Variants in RAPGEF6 observed in about 807,000 individuals in gnomAD.
The protein encoded by RAPGEF6 is PDZ domain containing guanine nucleotide exchange factor (GEF) 2.
Under a neutral mutation model 171.4 loss-of-function variants are expected in RAPGEF6, and 56 were observed. The ratio of observed to expected loss-of-function variants is 0.33; its 90% confidence interval spans 0.26 to 0.41. The LOEUF is 0.41. Among genes scored for constraint, RAPGEF6 ranks in the 10% least tolerant of loss-of-function variants. RAPGEF6 has a pLI of 1.00. For synonymous variants in RAPGEF6, 692 were observed against 650.1 expected, an observed-to-expected ratio of 1.06 and a Z score of -0.98; for missense variants, 1,674 against 1,921.4, an observed-to-expected ratio of 0.87 and a Z score of 2.41.
chr5:131,464,175 A>T lies in RAPGEF6; in HGVS notation c.2346T>A (p.His782Gln). 1 of 1,614,012 alleles carries T rather than the reference A, an allele frequency of 6.2e-7. No homozygotes were observed. Among genetic ancestry groups the T allele is most frequent in the Non-Finnish European group, 8.5e-7 (1 of 1,179,908 alleles). Residue 782 changes from histidine to glutamine, a missense_variant, in exon 18 of 28, where the codon CAT becomes CAA. By Grantham distance (24) the His-to-Gln change is conservative. This residue lies in a region of RAPGEF6 where 1,116 missense variants were observed against 1,321.5 expected (regional missense o/e 0.84). Coordinates refer to ENST00000509018, the MANE Select transcript of RAPGEF6 (RefSeq NM_016340.6). The stretch of plus-strand genomic sequence containing the variant: ...CGGATGCACCGGTCAAACCAAATTC[A>T]TGAACAGCATGAAAAACTACTTCTT... ...TAKEVVFHAV[H>Q]EFGLTGASDT...
At chr5:131,543,659 C>A (rs183098315) in intron 6 of RAPGEF6, among the ~76,000 whole-genome samples, 4 of 152,078 alleles carry the variant, frequency 2.6e-5, no homozygotes, top group African/African-American at 9.7e-5. Context: ...GGTGAAGCAC[C>A]GAAGATTTAG....
At chr5:131,631,352 G>A (rs1257796990) in intron 1 of RAPGEF6, among the ~76,000 whole-genome samples, 2 of 152,140 alleles carry the variant, frequency 1.3e-5, no homozygotes, top group South Asian at 2.1e-4. Flanking sequence ...GCTGATGGCA[G>A]CTCAAACCTC....
chr5:131,503,817 A>G (rs1183669158), intron 11 of RAPGEF6, among the ~76,000 whole-genome samples: 1 of 152,210 alleles, frequency 6.6e-6, no homozygotes, highest in Non-Finnish European at 1.5e-5. Flanking sequence ...AGACTCTACA[A>G]TTGTGCTAAG....
chr5:131,436,204 G>A, intron 24 of RAPGEF6: 5 of 1,537,544 alleles, frequency 3.3e-6, no homozygotes, highest in Non-Finnish European at 4.4e-6. Context: ...TCTTTTTCTG[G>A]TTGTGTTCTC....
intron 11 of RAPGEF6, among the ~76,000 whole-genome samples, chr5:131,499,319 G>A (rs530087605): frequency 6.8e-4 from 103 of 152,106 alleles, no homozygotes; most frequent in Non-Finnish European, 1.2e-3. Flanking sequence ...TGTGGCTCAT[G>A]CCTGTAATCC....
In RAPGEF6 at chr5:131,521,524, G is replaced by GA. The variant is rs750658751; in HGVS notation, c.496-4dup. 3.1e-3 allele frequency: 4,454 copies of GA among 1,459,544 alleles called. 3 individuals carry two copies. The highest frequency in any genetic ancestry group is 7.2e-3 in the Middle Eastern group (39 of 5,436). 90.4% of individuals were successfully genotyped at this position (1,459,544 alleles called of 1,614,324 possible). ...ATCTTGGTAAGATCAGCTGGAAGCT[G>GA]AAAAAAAAAATAATTTAAGTTATTC... On this transcript the variant is annotated splice_region_variant and splice_polypyrimidine_tract_variant and intron_variant, in intron 6 of 27. Transcript: ENST00000509018.
chr5:131,472,562 A>C, intron 17 of RAPGEF6, 25 bp downstream of exon 17: 1 of 1,604,338 alleles, frequency 6.2e-7, no homozygotes, highest in Non-Finnish European at 8.5e-7. Flanking sequence ...CAATACGGCA[A>C]TATAAAATCA....
In RAPGEF6 at chr5:131,430,840, C is replaced by A; in HGVS notation, c.4465+19G>T. The A allele has an allele frequency of 6.3e-7, 1 of 1,583,642 alleles. No individual in the cohort carries two copies. Among genetic ancestry groups the A allele is most frequent in the Non-Finnish European group, 8.6e-7 (1 of 1,168,188 alleles). On this transcript the variant is annotated intron_variant, in intron 26 of 27. Transcript: ENST00000509018. ...CTACTTAATCTCTAAATGCCACAGA[C>A]AACAAAAACACAACTTACCAATCAA...
intron 12 of RAPGEF6, among the ~76,000 whole-genome samples, chr5:131,498,125 G>GT (rs1233112480): frequency 6.6e-6 from 1 of 152,170 alleles, no homozygotes; most frequent in Non-Finnish European, 1.5e-5. Flanking sequence ...GTTTTAAAAT[G>GT]TTTTATTGAT....
intron 4 of RAPGEF6, among the ~76,000 whole-genome samples, chr5:131,585,027 G>A (rs1047632492): frequency 3.9e-5 from 6 of 152,056 alleles, no homozygotes; most frequent in Non-Finnish European, 4.4e-5. Flanking sequence ...GAAAGCAATG[G>A]CCAATAAGCA....
At chr5:131,476,417 T>G (rs941533970) in intron 16 of RAPGEF6, among the ~76,000 whole-genome samples, 3 of 152,162 alleles carry the variant, frequency 2.0e-5, no homozygotes, top group African/African-American at 7.2e-5. Flanking sequence ...CTGGCCAACA[T>G]GGTGAAACCC....
rs777347551 is a variant in RAPGEF6 at position 131,492,571 on chromosome 5, T to A, written c.1731+11A>T. On this transcript the variant is annotated intron_variant, in intron 14 of 27. Coordinates refer to ENST00000509018, the MANE Select transcript of RAPGEF6 (RefSeq NM_016340.6). ...GAAGGCTTGAATATAAGTGGTTGGTTATTTCCTTACCTGATCACCACGTTT... is the reference window on the plus strand; with the variant it reads ...GAAGGCTTGAATATAAGTGGTTGGTAATTTCCTTACCTGATCACCACGTTT... The A allele has an allele frequency of 6.2e-7, 1 of 1,613,564 alleles. No homozygotes were observed. The highest frequency in any genetic ancestry group is 1.7e-5 in the Admixed American group (1 of 60,016).
At chr5:131,474,804 T>C (rs897679286) in intron 16 of RAPGEF6, among the ~76,000 whole-genome samples, 5 of 152,216 alleles carry the variant, frequency 3.3e-5, no homozygotes, top group African/African-American at 1.2e-4. Flanking sequence ...AGTCTTTCTT[T>C]AATTGACTTT....
chr5:131,580,569 C>T (rs888167822), intron 4 of RAPGEF6, among the ~76,000 whole-genome samples: 4 of 152,214 alleles, frequency 2.6e-5, no homozygotes, highest in Non-Finnish European at 5.9e-5. Flanking sequence ...GCCGCCAGCA[C>T]GTTGTCACCT....
chr5:131,548,086 T>G lies in RAPGEF6; in HGVS notation c.456A>C (p.Gln152His). ...TAACCTCCACATCATCAGTAATGGT[T>G]TGGCGCTCTCCTTTATAGTTAATTT... The part of the protein sequence containing the change: ...FRKINYKGER[Q>H]TITDDVEVNS... The change falls in exon 6 of 28, where the codon CAA becomes CAC. Residue 152 changes from glutamine (Q) to histidine (H), a missense_variant. By Grantham distance (24) the Gln-to-His change is conservative. Coordinates refer to ENST00000509018, the MANE Select transcript of RAPGEF6 (RefSeq NM_016340.6). 1 of 1,614,044 alleles carries G rather than the reference T, an allele frequency of 6.2e-7. No homozygotes were observed. Among genetic ancestry groups the G allele is most frequent in the Non-Finnish European group, 8.5e-7 (1 of 1,179,978 alleles).
intron 4 of RAPGEF6, among the ~76,000 whole-genome samples, chr5:131,576,153 G>T (rs952195892): frequency 6.6e-6 from 1 of 152,006 alleles, no homozygotes; most frequent in Non-Finnish European, 1.5e-5. Context: ...TAATCCATAT[G>T]GCATTCTCCC....
chr5:131,427,407 T>C, intron 27 of RAPGEF6, 116 bp from the exon 28 acceptor site: 1 of 831,336 alleles, frequency 1.2e-6, no homozygotes, highest in Non-Finnish European at 1.9e-6. Flanking sequence ...AAACATTGCA[T>C]CGAGGCCCAG....
intron 21 of RAPGEF6, among the ~76,000 whole-genome samples, chr5:131,447,978 C>T (rs1174189778): frequency 6.6e-6 from 1 of 152,174 alleles, no homozygotes; most frequent in African/African-American, 2.4e-5. Flanking sequence ...AGTCTTTTAA[C>T]CTCCAGGGAC....
At chr5:131,463,957 G>A (rs1296283200) in intron 18 of RAPGEF6, 84 bp downstream of exon 18, 4 of 1,493,642 alleles carry the variant, frequency 2.7e-6, no homozygotes, top group Non-Finnish European at 3.6e-6. Context: ...ACATGATAAT[G>A]TTTCTACTTA....
Sources: allele counts gnomAD v4.1 joint callset (sites outside exome capture counted in the v4.1 genomes callset), GRCh38; gene constraint gnomAD v4.1.1; regional missense constraint gnomAD v4.1.1; transcripts MANE v1.5; gene names NCBI Gene and HGNC (gene_info 2026-07-23, HGNC 2026-07-21).